Variants in XKR4 observed in about 807,000 individuals in gnomAD.
XKR4 encodes the protein XK related 4, also known as XK-related protein 4.
In XKR4, 12 loss-of-function variants were observed where a neutral mutation model predicts 53.9. The ratio of observed to expected loss-of-function variants is 0.22; its 90% CI spans 0.14 to 0.36. The LOEUF (loss-of-function observed/expected upper bound fraction) is 0.36. XKR4 is among the 10% of genes least tolerant of loss of function. The pLI, the probability that XKR4 is intolerant of heterozygous loss-of-function variation, is 1.00. For missense variants in XKR4, 799 were observed against 859.5 expected (o/e 0.93, Z 0.88); for synonymous variants, 354 against 362.4 (o/e 0.98, Z 0.26).
intron 1 of XKR4, among the ~76,000 whole-genome samples, chr8:55,222,842 T>A (rs1424050238): frequency 2.0e-5 from 3 of 152,034 alleles, no homozygotes; most frequent in Non-Finnish European, 4.4e-5. Context: ...GGGATTTTTT[T>A]TTTAAAGAAT....
chr8:55,424,087 G>A (rs1804974401), intron 2 of XKR4, among the ~76,000 whole-genome samples: 1 of 152,192 alleles, frequency 6.6e-6, no homozygotes, highest in Non-Finnish European at 1.5e-5. Flanking sequence ...AGGAGCACAT[G>A]CAACTGACTG....
rs74654956 is a variant in XKR4, at chr8:55,141,071, C to T, written c.806+37777C>T. 3.1e-3 allele frequency among the ~76,000 whole-genome samples: 477 copies of T among 152,250 alleles called. 3 individuals are homozygous for T. The highest frequency in any genetic ancestry group is 0.011 in the African/African-American group (440 of 41,546). On this transcript the variant is annotated intron_variant, in intron 1 of 2. Coordinates refer to ENST00000327381, the MANE Select transcript of XKR4 (RefSeq NM_052898.2). ...CATCACCACAATCAATTTTGTAACA[C>T]TTTTGTACCCCACAGAAGAAACTCT...
At chr8:55,467,620 A>C (rs766586816) in intron 2 of XKR4, among the ~76,000 whole-genome samples, 1 of 152,148 alleles carries the variant, frequency 6.6e-6, no homozygotes, top group Non-Finnish European at 1.5e-5. Flanking sequence ...CCACCGGTAA[A>C]GTGCTAATTT....
intron 1 of XKR4, among the ~76,000 whole-genome samples, chr8:55,248,818 A>G (rs1048700335): frequency 1.3e-5 from 2 of 151,798 alleles, no homozygotes; most frequent in African/African-American, 4.8e-5. Context: ...CTGGAGTCTC[A>G]GAGTGTCCCA....
chr8:55,414,915 A>G (rs1427021060), intron 2 of XKR4, among the ~76,000 whole-genome samples: 1 of 152,184 alleles, frequency 6.6e-6, no homozygotes, highest in African/African-American at 2.4e-5. Context: ...TTTTCTACAC[A>G]TTCATTTAAC....
At chr8:55,523,006 G>T (rs374971261) in intron 2 of XKR4, among the ~76,000 whole-genome samples, 16 of 152,224 alleles carry the variant, frequency 1.1e-4, no homozygotes, top group African/African-American at 3.9e-4. Context: ...GCCAGGCATG[G>T]TAGTGGGCGC....
intron 1 of XKR4, among the ~76,000 whole-genome samples, chr8:55,206,233 C>G (rs1052812024): frequency 6.9e-6 from 1 of 145,206 alleles, no homozygotes; most frequent in African/African-American, 2.9e-5. Flanking sequence ...GGGTGGCCAG[C>G]TTTTATTCCC....
intron 1 of XKR4, among the ~76,000 whole-genome samples, chr8:55,128,893 G>T (rs147946445): frequency 6.6e-4 from 98 of 148,958 alleles, no homozygotes; most frequent in Non-Finnish European, 1.2e-3. Flanking sequence ...CAGATGCTTA[G>T]TCAGGAGGTG....
chr8:55,501,669 A>G (rs1340264400), intron 2 of XKR4, among the ~76,000 whole-genome samples: 1 of 139,374 alleles, frequency 7.2e-6, no homozygotes, highest in Admixed American at 7.8e-5. Flanking sequence ...TCTATTGTGT[A>G]TGTTGTAAAT....
chr8:55,247,818 T>C (rs1021455517), intron 1 of XKR4, among the ~76,000 whole-genome samples: 1 of 151,332 alleles, frequency 6.6e-6, no homozygotes, highest in Non-Finnish European at 1.5e-5. Flanking sequence ...ACTTACATTA[T>C]TAATTTTAAT....
intron 2 of XKR4, among the ~76,000 whole-genome samples, chr8:55,423,842 A>C (rs1280992912): frequency 6.6e-6 from 1 of 152,252 alleles, no homozygotes; most frequent in East Asian, 1.9e-4. Flanking sequence ...TGTCAGACCC[A>C]GTCAAACTCA....
chr8:55,251,329 G>A (rs746975456), intron 1 of XKR4, among the ~76,000 whole-genome samples: 2 of 152,198 alleles, frequency 1.3e-5, no homozygotes, highest in African/African-American at 2.4e-5. Flanking sequence ...ATTCATTTAA[G>A]GTCAAGATTA....
At chr8:55,394,358 A>T (rs1439580640) in intron 2 of XKR4, among the ~76,000 whole-genome samples, 2 of 152,206 alleles carry the variant, frequency 1.3e-5, no homozygotes, top group African/African-American at 2.4e-5. Flanking sequence ...TATTTGAGGA[A>T]AATTAATGCC....
intron 1 of XKR4, among the ~76,000 whole-genome samples, chr8:55,354,104 A>G (rs1803764955): frequency 6.6e-6 from 1 of 152,214 alleles, no homozygotes; most frequent in Admixed American, 6.5e-5. Flanking sequence ...ATAATTACCT[A>G]GAGACAAATT....
intron 1 of XKR4, among the ~76,000 whole-genome samples, chr8:55,264,896 A>G (rs1818575960): frequency 6.6e-6 from 1 of 152,204 alleles, no homozygotes; most frequent in African/African-American, 2.4e-5. Flanking sequence ...AGACTTGGGG[A>G]TATATGGGAA....
rs187214201 is a variant in XKR4 at position 55,530,977 on chromosome 8, A to T, written c.*6750A>T. 5.9e-5 allele frequency: 9 copies of T among 152,208 alleles called. No homozygotes were observed. The highest frequency in any genetic ancestry group is 2.2e-4 in the African/African-American group (9 of 41,448). 9.4% of individuals were successfully genotyped at this position (152,208 alleles called of 1,614,324 possible). A position where few individuals can be genotyped will look rare whatever the true frequency, so the allele number is the denominator to read the frequency against. On this transcript the variant is annotated 3_prime_UTR_variant, in exon 3 of 3. Transcript: ENST00000327381. ...CACTGGAATAGCTCATAGTCTGGCT[A>T]TTAGCAGCACAATCATAGTTTTCTG...
chr8:55,294,927 GTCCCTTTGCACAT>G (rs1819081443), intron 1 of XKR4, among the ~76,000 whole-genome samples: 1 of 152,050 alleles, frequency 6.6e-6, no homozygotes, highest in African/African-American at 2.4e-5. Context: ...TGAATCCAGT[GTCCCTTTGCACAT>G]TAAGTTGTCA....
intron 1 of XKR4, among the ~76,000 whole-genome samples, chr8:55,291,444 A>T (rs1819018597): frequency 6.6e-6 from 1 of 152,198 alleles, no homozygotes; most frequent in South Asian, 2.1e-4. Flanking sequence ...ACTGTATGTC[A>T]ATCTGGAAAT....
chr8:55,346,873 G>A (rs535193543), intron 1 of XKR4, among the ~76,000 whole-genome samples: 6 of 152,182 alleles, frequency 3.9e-5, no homozygotes, highest in African/African-American at 1.4e-4. Flanking sequence ...CAGCCAAACT[G>A]TTTAATGTAC....
Sources: gnomAD v4.1 joint callset for allele counts (sites outside exome capture counted in the v4.1 genomes callset) on GRCh38, gnomAD v4.1.1 for gene constraint, MANE v1.5 for transcripts, NCBI Gene and HGNC (gene_info 2026-07-23, HGNC 2026-07-21) for gene names.